EPB41: variants seen among roughly 807,000 people sequenced by gnomAD.
The protein encoded by EPB41 is protein 4.1.
A neutral mutation model predicts 108.0 loss-of-function variants in EPB41; 65 were observed. That is an observed-to-expected ratio of 0.60 (90% CI 0.49 to 0.74). The LOEUF is 0.74. EPB41 is among the 30% of genes least tolerant of loss of function. The pLI is 0.00. For synonymous variants in EPB41, 336 were observed against 358.9 expected (o/e 0.94, Z 0.72); for missense variants, 875 against 1,037.0 (o/e 0.84, Z 2.15).
intron 16 of EPB41, among the ~76,000 whole-genome samples, chr1:29,077,723 G>T (rs1418218717): frequency 6.6e-6 from 1 of 152,098 alleles, no homozygotes; most frequent in Non-Finnish European, 1.5e-5. Flanking sequence ...AGGCTATATG[G>T]TCTGTCACAA....
chr1:28,948,433 C>T (rs1262076066), intron 1 of EPB41, among the ~76,000 whole-genome samples: 3 of 149,270 alleles, frequency 2.0e-5, no homozygotes, highest in Admixed American at 6.8e-5. Context: ...GGCATGAACC[C>T]GAGAGGCAGA....
intron 17 of EPB41, among the ~76,000 whole-genome samples, chr1:29,105,536 C>T (rs1362001980): frequency 6.6e-6 from 1 of 152,170 alleles, no homozygotes; most frequent in African/African-American, 2.4e-5. Flanking sequence ...CCGTACCCAA[C>T]AGTGTCTGCC....
chr1:29,034,187 C>T (rs1260720067), intron 9 of EPB41, among the ~76,000 whole-genome samples: 2 of 152,036 alleles, frequency 1.3e-5, no homozygotes, highest in Admixed American at 6.6e-5. Flanking sequence ...CAGTGTCTTC[C>T]CTTAAAATTT....
intron 1 of EPB41, among the ~76,000 whole-genome samples, chr1:28,960,424 A>G (rs956588685): frequency 6.6e-6 from 1 of 151,674 alleles, no homozygotes; most frequent in African/African-American, 2.4e-5. Flanking sequence ...CCCTACAATA[A>G]ATGGTCAAGT....
intron 12 of EPB41, among the ~76,000 whole-genome samples, chr1:29,058,206 A>AT (rs1287738853): frequency 3.3e-5 from 5 of 152,216 alleles, no homozygotes; most frequent in African/African-American, 7.2e-5. Flanking sequence ...TATTTAAAGT[A>AT]TTTCCAGATC....
At chr1:28,915,730 G>GTTT (rs2092590739) in intron 1 of EPB41, among the ~76,000 whole-genome samples, 1 of 55,692 alleles carries the variant, frequency 1.8e-5, no homozygotes, top group Non-Finnish European at 3.5e-5. Flanking sequence ...TTTTTCAGAT[G>GTTT]CTTTTTTTTT....
chr1:28,949,632 C>A (rs2148936957), intron 1 of EPB41, among the ~76,000 whole-genome samples: 1 of 151,162 alleles, frequency 6.6e-6, no homozygotes, highest in East Asian at 1.9e-4. Context: ...TAGATGGAGT[C>A]TCGCTCTGTC....
chr1:29,113,102 A>C (rs1368836959), intron 19 of EPB41, among the ~76,000 whole-genome samples: 1 of 152,080 alleles, frequency 6.6e-6, no homozygotes, highest in Non-Finnish European at 1.5e-5. Flanking sequence ...GATCTAGATA[A>C]TTTCTGGGCC....
At chr1:28,986,492 C>T (rs779039706) in intron 1 of EPB41, among the ~76,000 whole-genome samples, 16 of 152,188 alleles carry the variant, frequency 1.1e-4, no homozygotes, top group Non-Finnish European at 1.2e-4. Context: ...TTCCTCCTCC[C>T]CTACGAGTGA....
At chr1:29,024,984 A>G (rs1227840488) in intron 7 of EPB41, among the ~76,000 whole-genome samples, 1 of 152,062 alleles carries the variant, frequency 6.6e-6, no homozygotes. Flanking sequence ...TAATCCAAAG[A>G]AACTTCCACT....
rs531195079 is a variant in EPB41, at chr1:28,933,699, G to T, written c.-8+18931G>T. Among the ~76,000 whole-genome samples the T allele has an allele frequency of 3.3e-5, 5 of 152,058 alleles. No individual in the cohort carries two copies. In the South Asian group the frequency reaches 1.0e-3, roughly 32 times the overall value. ...CCAGGTGTTTTACAAAATGCCAGTC[G>T]GGGTTTGTCTGATTTTTTTCCACGA... On this transcript the variant is annotated intron_variant, in intron 1 of 20. Transcript: ENST00000343067.
chr1:29,109,622 A>T, intron 18 of EPB41, 185 bp downstream of exon 18: 1 of 652,524 alleles, frequency 1.5e-6, no homozygotes, highest in East Asian at 2.8e-5. Context: ...ATCTAGGGAG[A>T]TACCCTGAGA....
intron 7 of EPB41, among the ~76,000 whole-genome samples, chr1:29,024,570 T>A (rs915683743): frequency 1.3e-5 from 2 of 151,664 alleles, no homozygotes; most frequent in Non-Finnish European, 2.9e-5. Context: ...GGGGCGGAGG[T>A]TGCAGTGAGC....
intron 4 of EPB41, among the ~76,000 whole-genome samples, chr1:29,007,458 C>T (rs2096425772): frequency 6.6e-6 from 1 of 152,170 alleles, no homozygotes; most frequent in Admixed American, 6.5e-5. Context: ...GTGATACTAT[C>T]AAACAGTTTT....
At position 28,987,690 on chromosome 1, in the gene EPB41, T is replaced by A. The variant is rs776065288; in HGVS notation, c.253T>A (p.Ser85Thr). The A allele has an allele frequency of 1.9e-6, 3 of 1,614,192 alleles. No individual in the cohort carries two copies. Among genetic ancestry groups the A allele is most frequent in the Non-Finnish European group, 2.5e-6 (3 of 1,180,034 alleles). Residue 85 changes from serine to threonine, a missense_variant, in exon 2 of 21, where the codon TCG becomes ACG. By Grantham distance (58) the Ser-to-Thr change is moderately conservative. This residue lies in a region of EPB41 where 353 missense variants were observed against 393.2 expected (regional missense o/e 0.90). Coordinates refer to ENST00000343067, the MANE Select transcript of EPB41 (RefSeq NM_001376013.1). ...ESRGLSRLFS[S>T]FLKRPKSQVS... ...CAGAGGACTTTCACGACTATTCTCC[T>A]CGTTTCTCAAAAGGCCCAAATCTCA...
chr1:29,018,095 T>A lies in EPB41; in HGVS notation c.906-129T>A. On this transcript the variant is annotated intron_variant, in intron 6 of 20. Coordinates refer to ENST00000343067, the MANE Select transcript of EPB41 (RefSeq NM_001376013.1). The surrounding 1 kb of genome is among the most constrained non-coding windows in gnomAD (Gnocchi z 4.4). ...TATTATTATCTCATATTTACTTAAT[T>A]GCTTTCTTTTCTTCTGTGTCCTTAT... 1 of 793,644 alleles carries A rather than the reference T, an allele frequency of 1.3e-6. No homozygotes were observed. Among genetic ancestry groups the A allele is most frequent in the Non-Finnish European group, 2.1e-6 (1 of 478,464 alleles). The allele number at this position is 793,644 out of a possible 1,614,324, so 49.2% of individuals were successfully genotyped here.
At chr1:29,079,157 A>G (rs938914786) in intron 16 of EPB41, among the ~76,000 whole-genome samples, 10 of 151,796 alleles carry the variant, frequency 6.6e-5, no homozygotes, top group South Asian at 4.2e-4. Flanking sequence ...CACCACGCTC[A>G]GCTAATTTTT....
At chr1:29,000,865 G>A (rs1043711096) in intron 4 of EPB41, among the ~76,000 whole-genome samples, 2 of 151,546 alleles carry the variant, frequency 1.3e-5, no homozygotes, top group Admixed American at 6.6e-5. Context: ...TAATTAAAAC[G>A]AGAGTCCTTA....
At chr1:29,001,027 G>A (rs1026145260) in intron 4 of EPB41, among the ~76,000 whole-genome samples, 2 of 152,018 alleles carry the variant, frequency 1.3e-5, no homozygotes, top group Admixed American at 1.3e-4. Flanking sequence ...CCTTAGTGAT[G>A]GCAGGCCTTC....
Sources: allele counts gnomAD v4.1 joint callset (sites outside exome capture counted in the v4.1 genomes callset), GRCh38; gene constraint gnomAD v4.1.1; regional missense constraint gnomAD v4.1.1; non-coding constraint Gnocchi (gnomAD v3.1); transcripts MANE v1.5; gene names NCBI Gene and HGNC (gene_info 2026-07-23, HGNC 2026-07-21).